Variants in NRG1 observed in about 807,000 individuals in gnomAD.
NRG1 encodes pro-neuregulin-1, membrane-bound isoform.
In NRG1, 18 loss-of-function variants were observed where a neutral mutation model predicts 63.8. That is an observed-to-expected ratio of 0.28 (90% CI 0.19 to 0.42). The LOEUF is 0.42. Among genes scored for constraint, NRG1 ranks in the 10% least tolerant of loss-of-function variants. The pLI, the probability that NRG1 is intolerant of heterozygous loss-of-function variation, is 1.00. For synonymous variants in NRG1, 302 were observed against 301.3 expected, an observed-to-expected ratio of 1.00 and a Z score of -0.02; for missense variants, 762 against 814.7, an observed-to-expected ratio of 0.94 and a Z score of 0.79.
At chr8:32,006,340 G>A (rs1265868623) in intron 1 of NRG1, among the ~76,000 whole-genome samples, 1 of 152,008 alleles carries the variant, frequency 6.6e-6, no homozygotes, top group East Asian at 1.9e-4. Context: ...TAAAACAGAT[G>A]TATTGGGCAG....
At chr8:32,350,342 T>C (rs181999866) in intron 1 of NRG1, among the ~76,000 whole-genome samples, 150 of 152,226 alleles carry the variant, frequency 9.9e-4, no homozygotes, top group African/African-American at 3.5e-3. Flanking sequence ...GTATCAGGAG[T>C]TGGCCACAAA....
intron 1 of NRG1, among the ~76,000 whole-genome samples, chr8:32,385,303 G>GC (rs1004913678): frequency 6.6e-6 from 1 of 152,158 alleles, no homozygotes; most frequent in African/African-American, 2.4e-5. Flanking sequence ...GGGATTACAG[G>GC]CGTGAGCCAC....
rs977501611 is a variant in NRG1, at chr8:32,597,347, G to T, written c.278+1342G>T. On this transcript the variant is annotated intron_variant, in intron 2 of 11. Transcript: ENST00000356819. ...TATCAAAGATTTTGCTCTGATGACT[G>T]TATTTTCTTTTCTAGTTTCTGTGGT... Among the ~76,000 whole-genome samples the T allele has an allele frequency of 3.9e-5, 6 of 152,160 alleles. No homozygotes were observed. In the East Asian group the frequency reaches 9.6e-4, roughly 24 times the overall value.
At chr8:32,185,425 C>A (rs1481375774) in intron 1 of NRG1, among the ~76,000 whole-genome samples, 1 of 152,142 alleles carries the variant, frequency 6.6e-6, no homozygotes, top group Admixed American at 6.6e-5. Flanking sequence ...TTACATTTTG[C>A]CTCTGTCTCA....
chr8:31,645,088 T>C (rs1307577044), intron 1 of NRG1, among the ~76,000 whole-genome samples: 2 of 152,178 alleles, frequency 1.3e-5, no homozygotes, highest in Non-Finnish European at 2.9e-5. Flanking sequence ...AAATGGGCAT[T>C]GTGGACAGTT....
intron 1 of NRG1, among the ~76,000 whole-genome samples, chr8:32,540,512 C>A (rs1458894142): frequency 5.3e-5 from 8 of 152,182 alleles, no homozygotes; most frequent in Non-Finnish European, 1.2e-4. Flanking sequence ...AAGTAACTTT[C>A]TTCTTCCACC....
intron 1 of NRG1, among the ~76,000 whole-genome samples, chr8:32,159,468 T>A (rs4733301): frequency 0.74 from 107,804 of 145,226 alleles, 40,529 homozygotes; most frequent in Admixed American, 0.83. Context: ...CAGGAAGCGG[T>A]GCTTGCAGTG....
chr8:32,658,787 C>T (rs937673571), intron 5 of NRG1, among the ~76,000 whole-genome samples: 3 of 152,108 alleles, frequency 2.0e-5, no homozygotes, highest in Non-Finnish European at 4.4e-5. Flanking sequence ...GTTCTGGTCT[C>T]CTGCAGGTTT....
At chr8:32,204,928 G>A (rs547674395) in intron 1 of NRG1, among the ~76,000 whole-genome samples, 12 of 152,200 alleles carry the variant, frequency 7.9e-5, no homozygotes, top group South Asian at 2.1e-4. Flanking sequence ...TCACCACAGC[G>A]GTAGTTCTAT....
intron 1 of NRG1, among the ~76,000 whole-genome samples, chr8:32,400,961 A>G (rs531652635): frequency 3.9e-5 from 6 of 152,374 alleles, no homozygotes; most frequent in African/African-American, 1.4e-4. Flanking sequence ...CTATGCAGCC[A>G]TAAAAATGAA....
chr8:31,887,565 G>A (rs770297807), intron 1 of NRG1, among the ~76,000 whole-genome samples: 26 of 152,174 alleles, frequency 1.7e-4, no homozygotes, highest in Middle Eastern at 3.4e-3. Context: ...GTAAGTAGGA[G>A]ATAAAAGTTT....
At chr8:32,641,805 G>T (rs1036813792) in intron 5 of NRG1, among the ~76,000 whole-genome samples, 2 of 152,146 alleles carry the variant, frequency 1.3e-5, no homozygotes, top group Non-Finnish European at 2.9e-5. Flanking sequence ...AATCAGTCTT[G>T]ACTCACCTTT....
chr8:31,975,679 T>C (rs990124013), intron 1 of NRG1, among the ~76,000 whole-genome samples: 1 of 152,186 alleles, frequency 6.6e-6, no homozygotes, highest in African/African-American at 2.4e-5. Context: ...CTAAAACTTG[T>C]TTCTCTGGGT....
rs1003013316 is a variant in NRG1, at chr8:32,055,322, A to G, written c.37+415891A>G. 2.0e-5 allele frequency among the ~76,000 whole-genome samples: 3 copies of G among 152,312 alleles called. No homozygotes were observed. The South Asian group carries it at 6.2e-4, about 32-fold the overall frequency. On this transcript the variant is annotated intron_variant, in intron 1 of 10. Coordinates refer to the NRG1 transcript ENST00000519301. ...ATATCTTTCTATATAACACATTTCAATATCTATTTAATGTGCCAGTTGCAA... is the reference window on the plus strand; with the variant it reads ...ATATCTTTCTATATAACACATTTCAGTATCTATTTAATGTGCCAGTTGCAA...
chr8:32,429,057 T>A (rs1338371542), intron 1 of NRG1, among the ~76,000 whole-genome samples: 2 of 152,178 alleles, frequency 1.3e-5, no homozygotes, highest in Non-Finnish European at 2.9e-5. Flanking sequence ...TACCAAGGTA[T>A]AGCCTTATGC....
At chr8:32,384,615 A>G (rs181661538) in intron 1 of NRG1, among the ~76,000 whole-genome samples, 41 of 152,342 alleles carry the variant, frequency 2.7e-4, no homozygotes, top group African/African-American at 9.4e-4. Context: ...CCTTTGCCCA[A>G]ACAAGTGGTT....
At chr8:32,476,769 G>A (rs1824573789) in intron 1 of NRG1, among the ~76,000 whole-genome samples, 1 of 152,168 alleles carries the variant, frequency 6.6e-6, no homozygotes. Flanking sequence ...ATAACACAGA[G>A]ACAGCTTTTC....
intron 1 of NRG1, among the ~76,000 whole-genome samples, chr8:32,356,486 C>CG (rs1491422906): frequency 6.2e-5 from 3 of 48,040 alleles, no homozygotes; most frequent in East Asian, 1.5e-3. Flanking sequence ...CCCCCCCCCA[C>CG]CCGCCGGGCC....
At chr8:31,687,591 A>G (rs74895476) in intron 1 of NRG1, among the ~76,000 whole-genome samples, 1,837 of 152,328 alleles carry the variant, frequency 0.012, 27 homozygotes, top group African/African-American at 0.042. Context: ...GGGTGTTTAT[A>G]ATGAAGATGT....
Sources: gnomAD v4.1 joint callset for allele counts (sites outside exome capture counted in the v4.1 genomes callset) on GRCh38, gnomAD v4.1.1 for gene constraint, MANE v1.5 for transcripts, NCBI Gene and HGNC (gene_info 2026-07-23, HGNC 2026-07-21) for gene names.